Variants in COG6 observed in about 807,000 individuals in gnomAD.
COG6 encodes conserved oligomeric Golgi complex subunit 6.
COG6 carries 74 observed loss-of-function variants against 88.8 expected under a neutral mutation model. The ratio of observed to expected loss-of-function variants is 0.83; its 90% CI spans 0.69 to 1.01. The LOEUF is 1.01. Ranked by LOEUF, COG6 falls within the 50% of genes least tolerant of loss-of-function variation. The pLI, the probability that COG6 is intolerant of heterozygous loss-of-function variation, is 0.00. For synonymous variants in COG6, 286 were observed against 278.7 expected (o/e 1.03, Z -0.26); for missense variants, 800 against 797.9 (o/e 1.00, Z -0.03).
At chr13:39,778,559 C>G (rs545044568) in intron 18 of COG6, among the ~76,000 whole-genome samples, 2 of 151,986 alleles carry the variant, frequency 1.3e-5, no homozygotes, top group Non-Finnish European at 2.9e-5. Flanking sequence ...TTCAGACCCC[C>G]CTGGATTGGT....
intron 4 of COG6, among the ~76,000 whole-genome samples, chr13:39,669,464 G>A (rs773914682): frequency 3.9e-5 from 6 of 152,114 alleles, no homozygotes; most frequent in Admixed American, 6.5e-5. Flanking sequence ...GCAACTAATC[G>A]TTGATTTGAT....
In COG6 at chr13:39,752,352, A is replaced by G. The variant is rs1394201196; in HGVS notation, c.*1259A>G. Reference sequence around the variant, plus strand: ...ATGACCTATTTATCTGAAGTTTATAATTGTTTATACCTAATACAGTTCTTT... The same window carrying G: ...ATGACCTATTTATCTGAAGTTTATAGTTGTTTATACCTAATACAGTTCTTT... On this transcript the variant is annotated 3_prime_UTR_variant, in exon 19 of 19. Coordinates refer to ENST00000455146, the MANE Select transcript of COG6 (RefSeq NM_020751.3). 7 of 879,594 alleles carry G rather than the reference A, an allele frequency of 8.0e-6. No individual in the cohort carries two copies. In the East Asian group the frequency reaches 4.4e-4, roughly 55 times the overall value. 54.5% of individuals were successfully genotyped at this position (879,594 alleles called of 1,614,324 possible).
chr13:39,702,472 A>G (rs1253922948), intron 13 of COG6, among the ~76,000 whole-genome samples: 1 of 152,056 alleles, frequency 6.6e-6, no homozygotes, highest in Non-Finnish European at 1.5e-5. Flanking sequence ...TAGGAAATAT[A>G]CTAAATGAGT....
At chr13:39,717,636 G>A (rs1878600142) in intron 13 of COG6, among the ~76,000 whole-genome samples, 1 of 152,102 alleles carries the variant, frequency 6.6e-6, no homozygotes, top group Non-Finnish European at 1.5e-5. Flanking sequence ...GGAGGCTAAG[G>A]CAGGAGGATC....
chr13:39,744,468 A>T (rs1419729869), intron 18 of COG6, among the ~76,000 whole-genome samples: 2 of 152,148 alleles, frequency 1.3e-5, no homozygotes, highest in Non-Finnish European at 2.9e-5. Flanking sequence ...TAACAGACAA[A>T]CAGAGAGCCA....
chr13:39,739,182 C>T (rs1879919370), intron 18 of COG6, among the ~76,000 whole-genome samples: 2 of 152,022 alleles, frequency 1.3e-5, no homozygotes, highest in African/African-American at 2.4e-5. Context: ...CTAGATGATT[C>T]TAGTTCTAGA....
At chr13:39,777,712 G>A (rs1453347249) in intron 18 of COG6, among the ~76,000 whole-genome samples, 1 of 152,164 alleles carries the variant, frequency 6.6e-6, no homozygotes, top group Non-Finnish European at 1.5e-5. Context: ...CATCTGGTCT[G>A]ACTCTAAATG....
rs541542933 is a variant in COG6 at position 39,729,890 on chromosome 13, A to G, written c.1826+2342A>G. On this transcript the variant is annotated intron_variant, in intron 18 of 18. Transcript: ENST00000455146. ...TTTCTTAGTCTTGGTAATAGTTTAA[A>G]AAAACTGTTGAACCAGCAGTGGGAT... Among the ~76,000 whole-genome samples, 144 of 152,316 alleles carry G rather than the reference A, an allele frequency of 9.5e-4. No individual in the cohort carries two copies. The Middle Eastern group carries it at 0.027, about 29-fold the overall frequency.
chr13:39,725,822 C>T (rs1374151856), intron 17 of COG6, among the ~76,000 whole-genome samples: 3 of 151,796 alleles, frequency 2.0e-5, no homozygotes, highest in Non-Finnish European at 3.0e-5. Flanking sequence ...TATATATACA[C>T]TTACCATACT....
exon 19 of COG6, chr13:39,791,496 C>T (rs1460944365): frequency 1.3e-5 from 2 of 151,584 alleles, no homozygotes; most frequent in African/African-American, 4.8e-5. Flanking sequence ...TTTTTGTGTG[C>T]TATGTTTGCA....
chr13:39,759,423 A>G (rs1333525600), intron 18 of COG6, among the ~76,000 whole-genome samples: 2 of 152,154 alleles, frequency 1.3e-5, no homozygotes, highest in Non-Finnish European at 2.9e-5. Context: ...TTTATACACT[A>G]TGGACTTTAA....
chr13:39,779,107 AATCT>A (rs1881553988), intron 18 of COG6, among the ~76,000 whole-genome samples: 2 of 152,220 alleles, frequency 1.3e-5, no homozygotes, highest in African/African-American at 4.8e-5. Flanking sequence ...GACCTTGAGC[AATCT>A]ATTTAAAAGC....
chr13:39,788,767 T>A (rs1369714836), exon 19 of COG6: 1 of 160,106 alleles, frequency 6.2e-6, no homozygotes, highest in East Asian at 1.8e-4. Flanking sequence ...AAAGACAAGA[T>A]GACCTGAAGA....
Position 39,682,162 on chromosome 13 carries a change from AT to A in COG6, c.695-4del. 1 of 1,588,196 alleles carries A rather than the reference AT, an allele frequency of 6.3e-7. No individual in the cohort carries two copies. The highest frequency in any genetic ancestry group is 8.6e-7 in the Non-Finnish European group (1 of 1,156,638). ...TTTAACAAAAGTTATAATGTTAATT[AT>A]TTTTCAGGTGAATGCAGAACATTGA... On this transcript the variant is annotated splice_region_variant and splice_polypyrimidine_tract_variant and intron_variant, in intron 7 of 18. Transcript: ENST00000455146.
rs373006970 is a variant in COG6, at chr13:39,723,385, C to G, written c.1637C>G (p.Thr546Ser). The change falls in exon 16 of 19, where the codon ACT becomes AGT. Residue 546 changes from threonine (T) to serine (S), a missense_variant. Physicochemically the swap from Thr to Ser is moderately conservative, Grantham distance 58. Coordinates refer to ENST00000455146, the MANE Select transcript of COG6 (RefSeq NM_020751.3). ...AATGAGCAAGCCTCTTATGTTTTAA[C>G]TAGGGTAGGCTTGAGTTACATCTAT... ...LINEQASYVL[T>S]RVGLSYIYNT... is the part of the protein sequence containing the mutation. The G allele has an allele frequency of 6.8e-6, 11 of 1,611,698 alleles. No homozygotes were observed. Among genetic ancestry groups the G allele is most frequent in the African/African-American group, 4.0e-5 (3 of 74,822 alleles).
intron 10 of COG6, among the ~76,000 whole-genome samples, chr13:39,689,477 T>C (rs1463521394): frequency 6.6e-6 from 1 of 152,142 alleles, no homozygotes; most frequent in African/African-American, 2.4e-5. Flanking sequence ...CTCTGTCTTA[T>C]AACTTTAATC....
chr13:39,748,508 G>A (rs1593471373), intron 18 of COG6, among the ~76,000 whole-genome samples: 3 of 151,928 alleles, frequency 2.0e-5, no homozygotes, highest in Admixed American at 1.3e-4. Flanking sequence ...CCAGCTACTC[G>A]GGAGGCTGAG....
chr13:39,663,758 C>T (rs953786559), intron 3 of COG6, among the ~76,000 whole-genome samples: 1 of 152,082 alleles, frequency 6.6e-6, no homozygotes, highest in African/African-American at 2.4e-5. Context: ...CATGGTGGCA[C>T]ATGCCTATAG....
At position 39,655,849 on chromosome 13, in the gene COG6, G is replaced by T; in HGVS notation, c.123G>T (p.Lys41Asn). ...TCNPLSRKLH[K>N]ILETRLDNDK... ...ACCCGCTGTCGCGCAAGCTGCATAA[G>T]ATCCTGGAGACGCGGCTGGACAACG... The change falls in exon 1 of 19, where the codon AAG (lysine) becomes AAT (asparagine). Residue 41 changes from lysine (K) to asparagine (N), a missense_variant. Physicochemically the swap from Lys to Asn is moderately conservative, Grantham distance 94. Coordinates refer to ENST00000455146, the MANE Select transcript of COG6 (RefSeq NM_020751.3). 1 of 1,606,964 alleles carries T rather than the reference G, an allele frequency of 6.2e-7. No homozygotes were observed. The highest frequency in any genetic ancestry group is 8.5e-7 in the Non-Finnish European group (1 of 1,177,520).
Sources: gnomAD v4.1 joint callset for allele counts (sites outside exome capture counted in the v4.1 genomes callset) on GRCh38, gnomAD v4.1.1 for gene constraint, MANE v1.5 for transcripts, NCBI Gene and HGNC (gene_info 2026-07-23, HGNC 2026-07-21) for gene names.